FBXW4: variants seen among roughly 807,000 people sequenced by gnomAD.
FBXW4 encodes the protein F-box and WD repeat domain containing 4, also known as F-box/WD repeat-containing protein 4.
FBXW4 carries 40 observed loss-of-function variants against 61.8 expected under a neutral mutation model. The ratio of observed to expected loss-of-function variants is 0.65; its 90% CI spans 0.50 to 0.84. The LOEUF is 0.84. Among genes scored for constraint, FBXW4 ranks in the 40% least tolerant of loss-of-function variants. The probability of loss-of-function intolerance (pLI) is 0.00; values close to 1 mark genes in which losing one functional copy is unlikely to be tolerated. For missense variants in FBXW4, 672 were observed against 753.8 expected, an observed-to-expected ratio of 0.89 and a Z score of 1.27; for synonymous variants, 311 against 313.8, an observed-to-expected ratio of 0.99 and a Z score of 0.10.
In FBXW4 at chr10:101,695,123, G is replaced by A. The variant is rs1437415492; in HGVS notation, c.-18C>T. The A allele has an allele frequency of 5.1e-6, 5 of 985,166 alleles. No individual in the cohort carries two copies. Among genetic ancestry groups the A allele is most frequent in the Non-Finnish European group, 6.0e-6 (5 of 830,122 alleles). 61.0% of individuals were successfully genotyped at this position (985,166 alleles called of 1,614,324 possible). On this transcript the variant is annotated 5_prime_UTR_variant, in exon 1 of 9. Coordinates refer to ENST00000331272, the MANE Select transcript of FBXW4 (RefSeq NM_022039.4). This position sits in a 1 kb window ranked among gnomAD's most constrained non-coding sequence, Gnocchi z 4.2. Reference sequence around the variant, plus strand: ...CTGCCCATGAGCGGCCGCGGGGCCGGCCCGACGCGGAGCCCAGCCCGAGCC... The same window carrying A: ...CTGCCCATGAGCGGCCGCGGGGCCGACCCGACGCGGAGCCCAGCCCGAGCC...
At chr10:101,616,957 C>T (rs764209641) in intron 6 of FBXW4, among the ~76,000 whole-genome samples, 34 of 152,212 alleles carry the variant, frequency 2.2e-4, no homozygotes, top group Non-Finnish European at 4.3e-4. Flanking sequence ...CTGGAAATCC[C>T]GTCTGGTAGC....
Position 101,610,785 on chromosome 10 carries a change from TG to T in FBXW4, c.*505del, listed in dbSNP as rs1205706846. On this transcript the variant is annotated 3_prime_UTR_variant, in exon 9 of 9. Coordinates refer to ENST00000331272, the MANE Select transcript of FBXW4 (RefSeq NM_022039.4). ...CTGCTGGGTTCCCTTTGCTCTTTCTTGGTTTCAAAGCAAAACCAGGCCACAG... is the reference window on the plus strand; with the variant it reads ...CTGCTGGGTTCCCTTTGCTCTTTCTTGTTTCAAAGCAAAACCAGGCCACAG... The T allele has an allele frequency of 6.5e-6, 1 of 152,784 alleles. No individual in the cohort carries two copies. The highest frequency in any genetic ancestry group is 1.9e-4 in the East Asian group (1 of 5,212). 9.5% of individuals were successfully genotyped at this position (152,784 alleles called of 1,614,324 possible).
intron 2 of FBXW4, 59 bp from the exon 3 acceptor site, chr10:101,673,732 C>G: frequency 1.3e-6 from 2 of 1,528,670 alleles, no homozygotes; most frequent in Non-Finnish European, 1.8e-6. Flanking sequence ...AAACTCAACT[C>G]CAATCTTTGA....
At chr10:101,612,021 T>C (rs2063791073) in intron 7 of FBXW4, among the ~76,000 whole-genome samples, 1 of 152,242 alleles carries the variant, frequency 6.6e-6, no homozygotes, top group African/African-American at 2.4e-5. Context: ...GGCCAGCTAC[T>C]TGTCACTGGA....
chr10:101,636,513 T>G (rs1480037042), intron 5 of FBXW4, among the ~76,000 whole-genome samples: 1 of 152,102 alleles, frequency 6.6e-6, no homozygotes, highest in East Asian at 1.9e-4. Context: ...ATCAATTAGT[T>G]CACTTAACCC....
chr10:101,628,101 A>C, intron 5 of FBXW4: 1 of 406,032 alleles, frequency 2.5e-6, no homozygotes, highest in Non-Finnish European at 3.3e-6. Context: ...AGATCAATGA[A>C]ATGAAAACGT....
chr10:101,644,290 T>C (rs966866242), intron 5 of FBXW4, among the ~76,000 whole-genome samples: 2 of 152,116 alleles, frequency 1.3e-5, no homozygotes, highest in African/African-American at 4.8e-5. Flanking sequence ...AGAGCAGGAC[T>C]GGTGGGGGCA....
At chr10:101,657,370 T>C (rs1589763858) in intron 5 of FBXW4, among the ~76,000 whole-genome samples, 3 of 152,250 alleles carry the variant, frequency 2.0e-5, no homozygotes, top group Non-Finnish European at 1.5e-5. Flanking sequence ...CGGTGGCTCA[T>C]GCCTGTAATC....
chr10:101,645,250 TG>T (rs1230026712), intron 5 of FBXW4, among the ~76,000 whole-genome samples: 5 of 152,204 alleles, frequency 3.3e-5, no homozygotes, highest in Non-Finnish European at 5.9e-5. Flanking sequence ...CCCTGCGGCA[TG>T]GAACAGCCTC....
At chr10:101,660,223 A>T in intron 5 of FBXW4, 1 of 981,388 alleles carries the variant, frequency 1.0e-6, no homozygotes, top group Non-Finnish European at 1.2e-6. Context: ...TACATCTTGT[A>T]CCTCCAAAAC....
At chr10:101,643,780 A>G (rs190703880) in intron 5 of FBXW4, among the ~76,000 whole-genome samples, 61 of 152,306 alleles carry the variant, frequency 4.0e-4, no homozygotes, top group Admixed American at 1.4e-3. Flanking sequence ...CAATGAGTGG[A>G]AGGAGGAGAA....
intron 1 of FBXW4, among the ~76,000 whole-genome samples, chr10:101,682,452 G>A (rs769100895): frequency 3.3e-5 from 5 of 151,998 alleles, no homozygotes; most frequent in Non-Finnish European, 5.9e-5. Context: ...TCTGCTCCTC[G>A]TATCTGCAAA....
intron 5 of FBXW4, among the ~76,000 whole-genome samples, chr10:101,651,364 G>C (rs1455030544): frequency 6.6e-6 from 1 of 152,114 alleles, no homozygotes; most frequent in Non-Finnish European, 1.5e-5. Context: ...AGAAGGGAGA[G>C]AAAGCCACAG....
At chr10:101,638,298 C>T (rs144297128) in intron 5 of FBXW4, among the ~76,000 whole-genome samples, 5 of 152,052 alleles carry the variant, frequency 3.3e-5, no homozygotes, top group African/African-American at 1.2e-4. Context: ...GGATGGGGTG[C>T]TCTGACATGA....
At chr10:101,688,961 C>G (rs527511537) in intron 1 of FBXW4, among the ~76,000 whole-genome samples, 2 of 152,254 alleles carry the variant, frequency 1.3e-5, no homozygotes, top group South Asian at 4.2e-4. Context: ...AATCCAGTGC[C>G]AGGGTCAACC....
At chr10:101,637,915 T>C (rs1016055073) in intron 5 of FBXW4, among the ~76,000 whole-genome samples, 1 of 152,054 alleles carries the variant, frequency 6.6e-6, no homozygotes, top group South Asian at 2.1e-4. Flanking sequence ...TTAAATATCA[T>C]TTTTTACCTA....
chr10:101,666,925 GA>G (rs141526805), intron 5 of FBXW4, among the ~76,000 whole-genome samples: 8 of 149,050 alleles, frequency 5.4e-5, no homozygotes, highest in South Asian at 2.2e-4. Flanking sequence ...AAAAAAGAAT[GA>G]AAAAAAAACC....
chr10:101,648,049 T>C (rs7898842), intron 5 of FBXW4, among the ~76,000 whole-genome samples: 152,188 of 152,354 alleles, frequency 1, 76,011 homozygotes, highest in Middle Eastern at 1. Flanking sequence ...CACCCAATCA[T>C]CAGGGAGGTC....
At chr10:101,646,471 C>T (rs1484492304) in intron 5 of FBXW4, among the ~76,000 whole-genome samples, 1 of 152,238 alleles carries the variant, frequency 6.6e-6, no homozygotes, top group African/African-American at 2.4e-5. Context: ...ACAGGTGGTT[C>T]TCAGAGGAGA....
Sources: allele counts gnomAD v4.1 joint callset (sites outside exome capture counted in the v4.1 genomes callset), GRCh38; gene constraint gnomAD v4.1.1; non-coding constraint Gnocchi (gnomAD v3.1); transcripts MANE v1.5; gene names NCBI Gene and HGNC (gene_info 2026-07-23, HGNC 2026-07-21).